The following PRKN variants were observed in gnomAD, a reference collection of about 807,000 sequenced individuals.
The protein encoded by PRKN is E3 ubiquitin-protein ligase parkin.
Under a neutral mutation model 59.5 loss-of-function variants are expected in PRKN, and 56 were observed. The ratio of observed to expected loss-of-function variants is 0.94; its 90% confidence interval spans 0.76 to 1.18. PRKN has a LOEUF of 1.18. PRKN is among the 50% of genes most tolerant of loss of function. PRKN has a pLI of 0.00. For missense variants in PRKN, 657 were observed against 596.4 expected (o/e 1.10, Z -1.06); for synonymous variants, 250 against 222.1 (o/e 1.13, Z -1.12).
chr6:162,319,855 G>A (rs370580496), intron 2 of PRKN, among the ~76,000 whole-genome samples: 6 of 151,992 alleles, frequency 3.9e-5, no homozygotes, highest in African/African-American at 1.4e-4. Flanking sequence ...TTCAACTAAT[G>A]TAAACACTCA....
At chr6:162,556,370 T>TGTGTGCGC (rs1554243459) in intron 1 of PRKN, among the ~76,000 whole-genome samples, 5 of 99,298 alleles carry the variant, frequency 5.0e-5, no homozygotes, top group East Asian at 7.5e-4. Flanking sequence ...TGTGTGTGTG[T>TGTGTGCGC]GTGTGTGTGT....
At chr6:161,897,840 G>C (rs948929534) in intron 6 of PRKN, among the ~76,000 whole-genome samples, 5 of 150,462 alleles carry the variant, frequency 3.3e-5, no homozygotes, top group Non-Finnish European at 5.9e-5. Flanking sequence ...AGTGGCGGGC[G>C]CCTGTAGTCC....
intron 4 of PRKN, among the ~76,000 whole-genome samples, chr6:162,179,967 A>G (rs12208291): frequency 1.7e-5 from 1 of 57,528 alleles, no homozygotes; most frequent in Non-Finnish European, 3.6e-5. Flanking sequence ...TTATCTTATT[A>G]CTGTGTGTGT....
At chr6:161,612,928 G>T (rs1162714947) in intron 7 of PRKN, among the ~76,000 whole-genome samples, 1 of 152,098 alleles carries the variant, frequency 6.6e-6, no homozygotes, top group East Asian at 1.9e-4. Context: ...TTACCCAAGA[G>T]CTCTGATGGA....
rs1443083267 is a variant in PRKN at position 161,448,980 on chromosome 6, G to T, written c.1084-62103C>A. On this transcript the variant is annotated intron_variant, in intron 9 of 11. Coordinates refer to ENST00000366898, the MANE Select transcript of PRKN (RefSeq NM_004562.3). The surrounding 1 kb of genome is among the most constrained non-coding windows in gnomAD (Gnocchi z 5.1). ...GTGCATCTGAGATGGTGACTGCTCA[G>T]AATAAAGTGATAAGGGGACAAAAGG... Among the ~76,000 whole-genome samples, 2 of 152,206 alleles carry T rather than the reference G, an allele frequency of 1.3e-5. No homozygotes were observed. The highest frequency in any genetic ancestry group is 1.5e-5 in the Non-Finnish European group (1 of 68,034).
chr6:162,458,412 G>A (rs1203150717), intron 1 of PRKN, among the ~76,000 whole-genome samples: 1 of 148,534 alleles, frequency 6.7e-6, no homozygotes, highest in Admixed American at 6.7e-5. Context: ...GGTGATAAGA[G>A]CGAGACTCCA....
intron 4 of PRKN, among the ~76,000 whole-genome samples, chr6:162,075,986 T>TA (rs1582996349): frequency 1.5e-5 from 2 of 135,578 alleles, no homozygotes; most frequent in East Asian, 2.0e-4. Context: ...TTTTTTTTTT[T>TA]AAGACAGAGT....
intron 1 of PRKN, among the ~76,000 whole-genome samples, chr6:162,701,417 TC>T (rs1778147675): frequency 6.6e-6 from 1 of 151,764 alleles, no homozygotes. Context: ...CGTGGTAGAA[TC>T]ACAAGTAAGA....
chr6:161,613,361 G>A (rs534910745), intron 7 of PRKN, among the ~76,000 whole-genome samples: 51 of 147,102 alleles, frequency 3.5e-4, no homozygotes, highest in South Asian at 1.1e-3. Flanking sequence ...TTATGGATGC[G>A]CAAAGATTTT....
chr6:162,594,976 C>T (rs144421631), intron 1 of PRKN, among the ~76,000 whole-genome samples: 433 of 152,132 alleles, frequency 2.8e-3, no homozygotes, highest in African/African-American at 9.8e-3. Flanking sequence ...AGATCAAGAC[C>T]ATCCTGGCTA....
At chr6:162,463,756 GTGAC>G (rs1419633286) in intron 1 of PRKN, among the ~76,000 whole-genome samples, 3 of 152,164 alleles carry the variant, frequency 2.0e-5, no homozygotes, top group Non-Finnish European at 4.4e-5. Context: ...CACCAGCTGA[GTGAC>G]TGTATATGAT....
chr6:162,087,589 CTTTTTT>C (rs35184111), intron 4 of PRKN, among the ~76,000 whole-genome samples: 31 of 102,692 alleles, frequency 3.0e-4, no homozygotes, highest in South Asian at 1.1e-3. Context: ...AGAATAATTT[CTTTTTT>C]TTTTTTTTTT....
intron 2 of PRKN, among the ~76,000 whole-genome samples, chr6:162,274,789 T>G (rs10080592): frequency 0.26 from 39,327 of 152,012 alleles, 5,455 homozygotes; most frequent in South Asian, 0.44. Flanking sequence ...TATAGAAAAT[T>G]TTATATTTGT....
In PRKN at chr6:161,581,426, C is replaced by G. The variant is rs1046942933; in HGVS notation, c.872-12010G>C. 6.6e-6 allele frequency among the ~76,000 whole-genome samples: 1 copy of G among 152,058 alleles called. No homozygotes were observed. Among genetic ancestry groups the G allele is most frequent in the Non-Finnish European group, 1.5e-5 (1 of 68,004 alleles). ...TTAAAAATGTCAATTAACTACCATG[C>G]CCAATAAGTACATAAGCAAAAGGAG... On this transcript the variant is annotated intron_variant, in intron 7 of 11. Coordinates refer to ENST00000366898, the MANE Select transcript of PRKN (RefSeq NM_004562.3). This position sits in a 1 kb window ranked among gnomAD's most constrained non-coding sequence, Gnocchi z 4.5.
At chr6:162,291,008 CTG>C (rs1294578173) in intron 2 of PRKN, among the ~76,000 whole-genome samples, 1 of 152,146 alleles carries the variant, frequency 6.6e-6, no homozygotes, top group Non-Finnish European at 1.5e-5. Flanking sequence ...AGTAGGATAA[CTG>C]TGTGTACTTA....
At chr6:161,733,784 A>AAATATATATG (rs5881429) in intron 7 of PRKN, among the ~76,000 whole-genome samples, 1 of 63,486 alleles carries the variant, frequency 1.6e-5, no homozygotes, top group African/African-American at 1.5e-4. Flanking sequence ...AAAAAAAAAA[A>AAATATATATG]TATATATATA....
At chr6:162,229,387 A>C (rs140222299) in intron 3 of PRKN, among the ~76,000 whole-genome samples, 145 of 152,258 alleles carry the variant, frequency 9.5e-4, no homozygotes, top group African/African-American at 3.4e-3. Flanking sequence ...ACCACCTCTC[A>C]CCACCTTCAG....
intron 5 of PRKN, among the ~76,000 whole-genome samples, chr6:162,013,425 A>G (rs957448345): frequency 5.3e-5 from 8 of 151,962 alleles, no homozygotes; most frequent in Non-Finnish European, 7.4e-5. Context: ...CCCAGAATCA[A>G]CCATTTCTAT....
chr6:162,045,732 G>C (rs978876625), intron 5 of PRKN, among the ~76,000 whole-genome samples: 1 of 152,204 alleles, frequency 6.6e-6, no homozygotes, highest in Non-Finnish European at 1.5e-5. Flanking sequence ...GTCCCTGGGA[G>C]CCATCAATCA....
Sources: allele counts gnomAD v4.1 joint callset (sites outside exome capture counted in the v4.1 genomes callset), GRCh38; gene constraint gnomAD v4.1.1; non-coding constraint Gnocchi (gnomAD v3.1); transcripts MANE v1.5; gene names NCBI Gene and HGNC (gene_info 2026-07-23, HGNC 2026-07-21).